Variants in HAPLN2 observed in about 807,000 individuals in gnomAD.
HAPLN2 encodes hyaluronan and proteoglycan link protein 2, also known as brain link protein-1.
HAPLN2 carries 27 observed loss-of-function variants against 29.3 expected under a neutral mutation model. The ratio of observed to expected loss-of-function variants is 0.92; its 90% CI spans 0.68 to 1.27. HAPLN2 has a LOEUF of 1.27. HAPLN2 is among the 50% of genes most tolerant of loss of function. The pLI is 0.00. For missense variants in HAPLN2, 454 were observed against 484.3 expected (o/e 0.94, Z 0.59); for synonymous variants, 208 against 211.7 (o/e 0.98, Z 0.15).
Position 156,625,300 on chromosome 1 carries a change from G to T in HAPLN2, c.939G>T (p.Gly313=), listed in dbSNP as rs769004983. The T allele has an allele frequency of 1.3e-6, 2 of 1,582,328 alleles. No homozygotes were observed. Among genetic ancestry groups the T allele is most frequent in the South Asian group, 2.3e-5 (2 of 86,552 alleles). Residue 313 remains glycine, a synonymous_variant, in exon 7 of 7, where the codon GGG becomes GGT. Coordinates refer to ENST00000255039, the MANE Select transcript of HAPLN2 (RefSeq NM_021817.3). This position sits in a 1 kb window ranked among gnomAD's most constrained non-coding sequence, Gnocchi z 5.7. ...PITTPRPRCG[G]LPDPGVRSFG... Reference sequence around the variant, plus strand: ...CCACGCCGAGGCCGCGCTGCGGGGGGCTCCCGGATCCCGGAGTGCGCAGTT... The same window carrying T: ...CCACGCCGAGGCCGCGCTGCGGGGGTCTCCCGGATCCCGGAGTGCGCAGTT...
At chr1:156,623,404 A>G (rs530720756) in intron 2 of HAPLN2, 63 bp from the exon 3 acceptor site, 7 of 1,399,838 alleles carry the variant, frequency 5.0e-6, no homozygotes, top group Non-Finnish European at 6.9e-6. Context: ...TTCACCCACA[A>G]CCCTGCTCTT....
intron 2 of HAPLN2, among the ~76,000 whole-genome samples, chr1:156,623,037 A>AAAAAAAAAAAAT (rs551908025): frequency 1.8e-5 from 2 of 111,424 alleles, no homozygotes; most frequent in Non-Finnish European, 3.7e-5. Context: ...CTGTCTCAAA[A>AAAAAAAAAAAAT]AAATAAATAA....
In HAPLN2 at chr1:156,623,033, C is replaced by CAAAAAA. The variant is rs1207919606; in HGVS notation, c.-24-432_-24-427dup. Among the ~76,000 whole-genome samples, 180 of 44,220 alleles carry CAAAAAA rather than the reference C, an allele frequency of 4.1e-3. 8 individuals carry two copies. The highest frequency in any genetic ancestry group is 0.01 in the African/African-American group (153 of 14,798). 29.0% of individuals were successfully genotyped at this position (44,220 alleles called of 152,430 possible). A position where few individuals can be genotyped will look rare whatever the true frequency, so the allele number is the denominator to read the frequency against. ...TGGACCATGGAGCAACACTCTGTCT[C>CAAAAAA]AAAAAAATAAATAAATAAATAAATA... On this transcript the variant is annotated intron_variant, in intron 2 of 6. Coordinates refer to ENST00000255039, the MANE Select transcript of HAPLN2 (RefSeq NM_021817.3).
At position 156,625,360 on chromosome 1, in the gene HAPLN2, G is replaced by T; in HGVS notation, c.999G>T (p.Gly333=). ...CCAGGCCCCAACAGGCAGCCTATGG[G>T]ACCTACTGCTACGCCGAGAATTAGG... is the stretch of plus-strand genomic sequence containing the variant. ...GFPRPQQAAY[G]TYCYAEN The change falls in exon 7 of 7, where the codon GGG becomes GGT. Residue 333 remains glycine (G), a synonymous_variant. Transcript: ENST00000255039. The surrounding 1 kb of genome is among the most constrained non-coding windows in gnomAD (Gnocchi z 5.7). The T allele has an allele frequency of 6.2e-7, 1 of 1,601,042 alleles. No individual in the cohort carries two copies. Among genetic ancestry groups the T allele is most frequent in the Non-Finnish European group, 8.5e-7 (1 of 1,174,276 alleles).
the HAPLN2 span, among the ~76,000 whole-genome samples, chr1:156,604,293 C>CTTT: frequency 1.8e-4 from 26 of 147,062 alleles, no homozygotes; most frequent in South Asian, 4.3e-4. Flanking sequence ...TTGAAGAATT[C>CTTT]TTTTTTTTTT....
At position 156,624,416 on chromosome 1, in the gene HAPLN2, G is replaced by C; in HGVS notation, c.505G>C (p.Ala169Pro). ...GTTCAATTACTACGAGGCGAAGCAG[G>C]CGTGCGAGGAGCAGGACGGACGCCT... Reference protein sequence around the residue: ...YQFNYYEAKQACEEQDGRLAT... With the variant: ...YQFNYYEAKQPCEEQDGRLAT... Residue 169 changes from alanine to proline, a missense_variant, in exon 5 of 7, where the codon GCG (alanine) becomes CCG (proline). Coordinates refer to ENST00000255039, the MANE Select transcript of HAPLN2 (RefSeq NM_021817.3). 6.2e-7 allele frequency: 1 copy of C among 1,611,666 alleles called. No individual in the cohort carries two copies. The highest frequency in any genetic ancestry group is 8.5e-7 in the Non-Finnish European group (1 of 1,179,106).
chr1:156,606,260 T>C, the HAPLN2 span, among the ~76,000 whole-genome samples: 1 of 151,236 alleles, frequency 6.6e-6, no homozygotes, highest in Non-Finnish European at 1.5e-5. Context: ...CGAAACTCCA[T>C]CTCAAAAAAA....
At chr1:156,618,637 G>A (rs1678123078), upstream of HAPLN2, among the ~76,000 whole-genome samples, 1 of 151,974 alleles carries the variant, frequency 6.6e-6, no homozygotes, top group African/African-American at 2.4e-5. Flanking sequence ...AAATTAGCCG[G>A]GTGTGGTGGT....
At chr1:156,606,423 TAAAA>T in the HAPLN2 span, among the ~76,000 whole-genome samples, 1 of 49,494 alleles carries the variant, frequency 2.0e-5, no homozygotes, top group Non-Finnish European at 3.9e-5. Context: ...AGACTCTGTC[TAAAA>T]AAAAAAAAAA....
At chr1:156,608,544 C>T in the HAPLN2 span, among the ~76,000 whole-genome samples, 13 of 151,544 alleles carry the variant, frequency 8.6e-5, no homozygotes, top group Admixed American at 8.6e-4. Context: ...TCCTTCCTTT[C>T]CTTACTTTTT....
chr1:156,624,173 C>G lies in HAPLN2; in HGVS notation c.439+13C>G, dbSNP rs764239515. The G allele has an allele frequency of 5.6e-6, 9 of 1,607,610 alleles. No individual in the cohort carries two copies. The highest frequency in any genetic ancestry group is 6.8e-6 in the Non-Finnish European group (8 of 1,177,416). ...TTGAGCTTGGAGGGTGAGGCCCTTC[C>G]GCTCCCGCCCCATTCCTGTGTAGCA... On this transcript the variant is annotated intron_variant, in intron 4 of 6. Coordinates refer to ENST00000255039, the MANE Select transcript of HAPLN2 (RefSeq NM_021817.3).
chr1:156,616,079 G>C (rs747668132), upstream of HAPLN2, among the ~76,000 whole-genome samples: 1 of 152,184 alleles, frequency 6.6e-6, no homozygotes, highest in Non-Finnish European at 1.5e-5. Context: ...GGCCATGCTT[G>C]CCATCACCAG....
upstream of HAPLN2, chr1:156,615,241 G>C (rs956479828): frequency 1.3e-5 from 2 of 152,232 alleles, no homozygotes; most frequent in African/African-American, 4.8e-5. Flanking sequence ...ATGCCCAGCA[G>C]CTGTAAAGGT....
At position 156,625,654 on chromosome 1, in the gene HAPLN2, G is replaced by C; in HGVS notation, c.*270G>C. The C allele has an allele frequency of 4.6e-6, 2 of 436,162 alleles. No homozygotes were observed. The highest frequency in any genetic ancestry group is 5.0e-5 in the South Asian group (1 of 20,034). 27.0% of individuals were successfully genotyped at this position (436,162 alleles called of 1,614,324 possible). A position where few individuals can be genotyped will look rare whatever the true frequency, so the allele number is the denominator to read the frequency against. On this transcript the variant is annotated 3_prime_UTR_variant, in exon 7 of 7. Transcript: ENST00000255039. The surrounding 1 kb of genome is among the most constrained non-coding windows in gnomAD (Gnocchi z 5.7). ...CCTAGCAGAGGACTCAGCCACCGCC[G>C]GGGGGAGGGTGAGGCGGCCGGGGGC...
At chr1:156,616,371 G>A (rs911974429), upstream of HAPLN2, among the ~76,000 whole-genome samples, 2 of 152,306 alleles carry the variant, frequency 1.3e-5, no homozygotes, top group Middle Eastern at 3.4e-3. Context: ...TTCATTATAT[G>A]TATTCCTGTC....
intron 2 of HAPLN2, among the ~76,000 whole-genome samples, chr1:156,622,446 C>T (rs1396730218): frequency 2.6e-5 from 4 of 151,420 alleles, no homozygotes; most frequent in South Asian, 2.1e-4. Flanking sequence ...AGAGTAAAAC[C>T]CTGTCTCAAA....
the HAPLN2 span, among the ~76,000 whole-genome samples, chr1:156,603,106 G>A: frequency 6.6e-6 from 1 of 152,188 alleles, no homozygotes; most frequent in African/African-American, 2.4e-5. Flanking sequence ...CAGAAGGGAT[G>A]TGGGATGCTT....
intron 2 of HAPLN2, among the ~76,000 whole-genome samples, chr1:156,622,087 T>C (rs938704360): frequency 1.3e-5 from 2 of 152,230 alleles, no homozygotes; most frequent in African/African-American, 4.8e-5. Flanking sequence ...TCTGTATCTA[T>C]ATGTGGATAC....
chr1:156,618,640 G>A (rs553154121), upstream of HAPLN2, among the ~76,000 whole-genome samples: 53 of 152,158 alleles, frequency 3.5e-4, no homozygotes, highest in East Asian at 6.2e-3. Flanking sequence ...TTAGCCGGGT[G>A]TGGTGGTGGG....
Sources: allele counts gnomAD v4.1 joint callset (sites outside exome capture counted in the v4.1 genomes callset), GRCh38; gene constraint gnomAD v4.1.1; non-coding constraint Gnocchi (gnomAD v3.1); transcripts MANE v1.5; gene names NCBI Gene and HGNC (gene_info 2026-07-23, HGNC 2026-07-21).